CHSY3: variants seen among roughly 807,000 people sequenced by gnomAD.
CHSY3 encodes the protein N-acetylgalactosaminyl-proteoglycan 3-beta-glucuronosyltransferase 3.
A neutral mutation model predicts 67.2 loss-of-function variants in CHSY3; 35 were observed. The observed-to-expected ratio is 0.52, with a 90% CI of 0.40 to 0.69. The LOEUF (loss-of-function observed/expected upper bound fraction) is 0.69, where lower values mean the gene tolerates loss of function less well. CHSY3 is among the 30% of genes least tolerant of loss of function. The pLI is 0.00. For missense variants in CHSY3, 1,069 were observed against 1,138.5 expected, an observed-to-expected ratio of 0.94 and a Z score of 0.88; for synonymous variants, 474 against 434.7, an observed-to-expected ratio of 1.09 and a Z score of -1.12.
rs1768951830 is a variant in CHSY3 at position 130,143,734 on chromosome 5, G to GACA, written c.1087-40495_1087-40494insACA. ...TATATATATATATGTGTGTGTGTGTGTATATATATATATATATATATATGT... is the reference window on the plus strand; with the variant it reads ...TATATATATATATGTGTGTGTGTGTGACATATATATATATATATATATATATGT... On this transcript the variant is annotated intron_variant, in intron 2 of 2. Coordinates refer to ENST00000305031, the MANE Select transcript of CHSY3 (RefSeq NM_175856.5). Among the ~76,000 whole-genome samples the GACA allele has an allele frequency of 5.0e-4, 47 of 94,648 alleles. 6 individuals carry two copies. In the East Asian group the frequency reaches 5.7e-3, roughly 11 times the overall value. 62.1% of individuals were successfully genotyped at this position (94,648 alleles called of 152,430 possible).
At chr5:130,172,371 C>A (rs1342746296) in intron 2 of CHSY3, among the ~76,000 whole-genome samples, 6 of 146,670 alleles carry the variant, frequency 4.1e-5, no homozygotes, top group African/African-American at 1.5e-4. Context: ...CACTTTGCCA[C>A]CCAGGCTGGA....
chr5:130,023,772 T>C (rs1338735574), intron 2 of CHSY3, among the ~76,000 whole-genome samples: 1 of 151,786 alleles, frequency 6.6e-6, no homozygotes, highest in South Asian at 2.1e-4. Context: ...CCCTTTTCTG[T>C]TTTTTTTGGT....
chr5:130,176,801 T>G (rs1770067954), intron 2 of CHSY3, among the ~76,000 whole-genome samples: 2 of 151,910 alleles, frequency 1.3e-5, no homozygotes, highest in African/African-American at 4.8e-5. Flanking sequence ...TGAGAACACA[T>G]GGACACAGGG....
At chr5:130,153,353 G>A (rs1214305338) in intron 2 of CHSY3, among the ~76,000 whole-genome samples, 1 of 151,162 alleles carries the variant, frequency 6.6e-6, no homozygotes, top group Non-Finnish European at 1.5e-5. Context: ...ACATAAATTT[G>A]TTGCCTTTGT....
At chr5:129,957,072 C>T (rs1458443632) in intron 2 of CHSY3, among the ~76,000 whole-genome samples, 2 of 152,088 alleles carry the variant, frequency 1.3e-5, no homozygotes, top group Non-Finnish European at 2.9e-5. Flanking sequence ...ACTATTTTAA[C>T]AATATTGATT....
chr5:130,041,113 C>T (rs1198452195), intron 2 of CHSY3, among the ~76,000 whole-genome samples: 1 of 152,062 alleles, frequency 6.6e-6, no homozygotes, highest in Non-Finnish European at 1.5e-5. Context: ...AGCTCTTTCT[C>T]TGGAATATTG....
intron 2 of CHSY3, among the ~76,000 whole-genome samples, chr5:130,145,674 G>C (rs1337644052): frequency 6.6e-6 from 1 of 152,010 alleles, no homozygotes; most frequent in Non-Finnish European, 1.5e-5. Flanking sequence ...GTAGACAATG[G>C]GAGAAAAATA....
intron 2 of CHSY3, among the ~76,000 whole-genome samples, chr5:130,133,771 T>TAAAAAAAAAAAAAAA (rs758023976): frequency 3.1e-3 from 179 of 57,850 alleles, no homozygotes; most frequent in African/African-American, 4.4e-3. Context: ...GACTCCGTCT[T>TAAAAAAAAAAAAAAA]AAAAAAAAAA....
At chr5:129,962,987 A>C (rs1407058795) in intron 2 of CHSY3, among the ~76,000 whole-genome samples, 4 of 151,888 alleles carry the variant, frequency 2.6e-5, no homozygotes, top group Non-Finnish European at 5.9e-5. Flanking sequence ...CTGGTGTTCT[A>C]GTAACTTCAG....
At chr5:130,084,857 G>A (rs1766563407) in intron 2 of CHSY3, among the ~76,000 whole-genome samples, 1 of 151,888 alleles carries the variant, frequency 6.6e-6, no homozygotes. Flanking sequence ...GGAGTGTCTG[G>A]GTTAAGATAA....
rs889904968 is a variant in CHSY3 at position 129,923,295 on chromosome 5, T to A, written c.1086+14935T>A. Among the ~76,000 whole-genome samples, 30 of 152,122 alleles carry A rather than the reference T, an allele frequency of 2.0e-4. No individual in the cohort carries two copies. The East Asian group carries it at 4.4e-3, about 23-fold the overall frequency. The stretch of plus-strand genomic sequence containing the variant: ...TATAAGAGAAGAAAAAGAAAAAAAA[T>A]AATATTCCTAGAGATAGGGTATAAG... On this transcript the variant is annotated intron_variant, in intron 2 of 2. Transcript: ENST00000305031.
intron 2 of CHSY3, among the ~76,000 whole-genome samples, chr5:130,109,531 C>CAA (rs1240494223): frequency 6.6e-6 from 1 of 151,720 alleles, no homozygotes; most frequent in African/African-American, 2.4e-5. Flanking sequence ...TACACATCTA[C>CAA]AAAACACACA....
At chr5:130,021,691 T>A (rs1764395036) in intron 2 of CHSY3, among the ~76,000 whole-genome samples, 1 of 152,170 alleles carries the variant, frequency 6.6e-6, no homozygotes, top group Non-Finnish European at 1.5e-5. Context: ...AGTTAATTTG[T>A]CTTACCCAGT....
chr5:129,918,166 T>G (rs944649176), intron 2 of CHSY3, among the ~76,000 whole-genome samples: 1 of 152,236 alleles, frequency 6.6e-6, no homozygotes, highest in African/African-American at 2.4e-5. Flanking sequence ...CTGATTTTCA[T>G]GGTTCATATA....
chr5:130,014,153 G>A (rs1239542312), intron 2 of CHSY3, among the ~76,000 whole-genome samples: 1 of 152,096 alleles, frequency 6.6e-6, no homozygotes, highest in East Asian at 1.9e-4. Context: ...TCAGCATTTT[G>A]GTCAAAGCCA....
chr5:129,907,008 T>G (rs544678788), intron 1 of CHSY3, among the ~76,000 whole-genome samples: 1 of 152,176 alleles, frequency 6.6e-6, no homozygotes, highest in Non-Finnish European at 1.5e-5. Flanking sequence ...AAATAAAGAA[T>G]GGTCTCATTA....
At position 129,985,240 on chromosome 5, in the gene CHSY3, A is replaced by C. The variant is rs57436258; in HGVS notation, c.1086+76880A>C. On this transcript the variant is annotated intron_variant, in intron 2 of 2. Transcript: ENST00000305031. ...AGAGTCTAGTTTTAGTCTTCTGCATATGGCTAGCCAGTCATCCCAGCAACA... is the reference window on the plus strand; with the variant it reads ...AGAGTCTAGTTTTAGTCTTCTGCATCTGGCTAGCCAGTCATCCCAGCAACA... Among the ~76,000 whole-genome samples, 1,472 of 152,286 alleles carry C rather than the reference A, an allele frequency of 9.7e-3. 25 individuals are homozygous for C. The highest frequency in any genetic ancestry group is 0.034 in the African/African-American group (1,400 of 41,572).
At chr5:130,027,026 C>G (rs965575867) in intron 2 of CHSY3, among the ~76,000 whole-genome samples, 2 of 152,090 alleles carry the variant, frequency 1.3e-5, no homozygotes, top group African/African-American at 2.4e-5. Flanking sequence ...CGCAACCTCA[C>G]GTGACTTGCC....
chr5:130,074,360 A>G (rs1766184798), intron 2 of CHSY3, among the ~76,000 whole-genome samples: 1 of 152,136 alleles, frequency 6.6e-6, no homozygotes, highest in Admixed American at 6.6e-5. Context: ...CATGAGCCAC[A>G]GTGCCTGGCC....
Sources: gnomAD v4.1 joint callset for allele counts (sites outside exome capture counted in the v4.1 genomes callset) on GRCh38, gnomAD v4.1.1 for gene constraint, MANE v1.5 for transcripts, NCBI Gene and HGNC (gene_info 2026-07-23, HGNC 2026-07-21) for gene names.